DLG2: variants seen among roughly 807,000 people sequenced by gnomAD.
DLG2 encodes discs large MAGUK scaffold protein 2.
Under a neutral mutation model 132.5 loss-of-function variants are expected in DLG2, and 45 were observed. That is an observed-to-expected ratio of 0.34 (90% confidence interval 0.27 to 0.44). The LOEUF is 0.44. Ranked by LOEUF, DLG2 falls within the 20% of genes least tolerant of loss-of-function variation. The pLI is 1.00. For missense variants in DLG2, 1,045 were observed against 1,196.9 expected (o/e 0.87, Z 1.87); for synonymous variants, 424 against 419.6 (o/e 1.01, Z -0.13).
intron 7 of DLG2, among the ~76,000 whole-genome samples, chr11:84,296,793 A>C (rs1416383442): frequency 6.6e-6 from 1 of 152,154 alleles, no homozygotes; most frequent in Non-Finnish European, 1.5e-5. Context: ...AAAAAGCTAA[A>C]ATATTTTTTC....
At chr11:83,556,345 A>G (rs143219881) in intron 19 of DLG2, among the ~76,000 whole-genome samples, 1 of 151,588 alleles carries the variant, frequency 6.6e-6, no homozygotes, top group African/African-American at 2.4e-5. Flanking sequence ...TCTATTTGAT[A>G]TATACATATT....
At chr11:85,420,065 T>A (rs1298559776) in intron 3 of DLG2, among the ~76,000 whole-genome samples, 1 of 152,250 alleles carries the variant, frequency 6.6e-6, no homozygotes, top group East Asian at 1.9e-4. Flanking sequence ...CCCATTTTCA[T>A]GGATTTATCT....
chr11:83,493,328 TTTC>T (rs1479889903), intron 21 of DLG2, among the ~76,000 whole-genome samples: 1 of 139,856 alleles, frequency 7.2e-6, no homozygotes, highest in African/African-American at 2.7e-5. Flanking sequence ...TCCTTTGTCT[TTTC>T]TTTCTTTCCT....
chr11:83,839,505 CG>C (rs1399138070), intron 16 of DLG2, among the ~76,000 whole-genome samples: 6 of 152,024 alleles, frequency 3.9e-5, no homozygotes, highest in African/African-American at 1.5e-4. Context: ...CCTATTTTAC[CG>C]ATGCTTAGGT....
intron 7 of DLG2, among the ~76,000 whole-genome samples, chr11:84,520,166 A>C (rs183545401): frequency 2.6e-4 from 40 of 152,280 alleles, no homozygotes; most frequent in Non-Finnish European, 1.6e-4. Context: ...AAATTTTTTA[A>C]CTTACATAAA....
chr11:83,707,353 G>A (rs527877979), intron 18 of DLG2, among the ~76,000 whole-genome samples: 15 of 152,254 alleles, frequency 9.9e-5, no homozygotes, highest in African/African-American at 2.4e-4. Flanking sequence ...ATCCAGTACC[G>A]TGCAGTGCAT....
At chr11:84,627,115 C>A (rs1412352440) in intron 6 of DLG2, among the ~76,000 whole-genome samples, 1 of 152,094 alleles carries the variant, frequency 6.6e-6, no homozygotes, top group African/African-American at 2.4e-5. Flanking sequence ...AGGTCATCTG[C>A]CTGCCTCAGC....
intron 3 of DLG2, among the ~76,000 whole-genome samples, chr11:85,592,761 G>A (rs1478216701): frequency 6.6e-6 from 1 of 152,008 alleles, no homozygotes; most frequent in Non-Finnish European, 1.5e-5. Context: ...CACCAGCCTG[G>A]GCAAAATGGT....
intron 14 of DLG2, among the ~76,000 whole-genome samples, chr11:83,933,012 T>C (rs1046732740): frequency 3.9e-5 from 6 of 152,182 alleles, no homozygotes; most frequent in Non-Finnish European, 7.3e-5. Flanking sequence ...CCTCACAGAC[T>C]TCTCGGCCCT....
chr11:85,085,055 G>C (rs1467167136), intron 6 of DLG2, among the ~76,000 whole-genome samples: 1 of 152,016 alleles, frequency 6.6e-6, no homozygotes, highest in Non-Finnish European at 1.5e-5. Context: ...AGGAAATTTT[G>C]ATTCTGATTC....
At chr11:85,609,384 G>A (rs2080828011) in intron 2 of DLG2, among the ~76,000 whole-genome samples, 1 of 152,136 alleles carries the variant, frequency 6.6e-6, no homozygotes, top group African/African-American at 2.4e-5. Context: ...GGGACCAAGA[G>A]GAACAGGCCC....
chr11:85,006,824 G>A (rs1182448899), intron 6 of DLG2, among the ~76,000 whole-genome samples: 2 of 151,748 alleles, frequency 1.3e-5, no homozygotes, highest in African/African-American at 4.8e-5. Context: ...GTGATGTTAG[G>A]GTGTCGACTT....
intron 7 of DLG2, among the ~76,000 whole-genome samples, chr11:84,439,076 C>G (rs879912774): frequency 6.6e-6 from 1 of 152,302 alleles, no homozygotes; most frequent in East Asian, 1.9e-4. Context: ...CATTGGTAGT[C>G]AGAACCCATG....
Position 83,965,309 on chromosome 11 carries a change from G to A in DLG2, c.1201+15C>T, listed in dbSNP as rs769687080. The A allele has an allele frequency of 5.7e-6, 9 of 1,591,494 alleles. No homozygotes were observed. The East Asian group carries it at 1.4e-4, about 24-fold the overall frequency. On this transcript the variant is annotated intron_variant, in intron 13 of 27. Transcript: ENST00000376104. ...CAAGTCTGGCATGCTATTTGAAGAT[G>A]ACAATGGTACTTACAGTGAGTAATA...
At chr11:84,770,367 T>C (rs930331195) in intron 6 of DLG2, among the ~76,000 whole-genome samples, 7 of 152,128 alleles carry the variant, frequency 4.6e-5, no homozygotes, top group African/African-American at 1.4e-4. Context: ...ATAGGTAAAC[T>C]CATGTCATAT....
chr11:84,625,087 C>G (rs909231228), intron 6 of DLG2, among the ~76,000 whole-genome samples: 4 of 151,394 alleles, frequency 2.6e-5, no homozygotes, highest in African/African-American at 7.3e-5. Context: ...GTCTCGATCT[C>G]CTGACCTCGT....
Position 84,722,545 on chromosome 11 carries a change from A to G in DLG2, c.358-187814T>C, listed in dbSNP as rs138758269. On this transcript the variant is annotated intron_variant, in intron 6 of 27. Transcript: ENST00000376104. ...AGAAAATAAACCTGATTATGTCATA[A>G]TTCTCTATGATGCTTATTATAAATA... is the stretch of plus-strand genomic sequence containing the variant. Among the ~76,000 whole-genome samples the G allele has an allele frequency of 2.2e-4, 34 of 152,284 alleles. No individual in the cohort carries two copies. The East Asian group carries it at 5.2e-3, about 23-fold the overall frequency.
chr11:84,798,791 T>A (rs2094994267), intron 6 of DLG2, among the ~76,000 whole-genome samples: 1 of 152,142 alleles, frequency 6.6e-6, no homozygotes, highest in African/African-American at 2.4e-5. Flanking sequence ...TCAGGTGACA[T>A]ATACTGCCAG....
intron 6 of DLG2, among the ~76,000 whole-genome samples, chr11:84,671,284 G>T (rs2099705664): frequency 6.6e-6 from 1 of 151,670 alleles, no homozygotes; most frequent in African/African-American, 2.4e-5. Flanking sequence ...AATTTTTTTT[G>T]TAGAGACAGG....
Sources: allele counts gnomAD v4.1 joint callset (sites outside exome capture counted in the v4.1 genomes callset), GRCh38; gene constraint gnomAD v4.1.1; transcripts MANE v1.5; gene names NCBI Gene and HGNC (gene_info 2026-07-23, HGNC 2026-07-21).